PAX5: variants seen among roughly 807,000 people sequenced by gnomAD.
The protein encoded by PAX5 is paired box 5.
Under a neutral mutation model 43.7 loss-of-function variants are expected in PAX5, and 9 were observed. The observed-to-expected ratio is 0.21, with a 90% CI of 0.12 to 0.36. PAX5 has a LOEUF of 0.36. Ranked by LOEUF, PAX5 falls within the 10% of genes least tolerant of loss-of-function variation. PAX5 has a pLI of 1.00. For synonymous variants in PAX5, 228 were observed against 214.3 expected, an observed-to-expected ratio of 1.06 and a Z score of -0.56; for missense variants, 383 against 532.7, an observed-to-expected ratio of 0.72 and a Z score of 2.77.
At chr9:36,958,500 A>C (rs1833686950) in intron 6 of PAX5, among the ~76,000 whole-genome samples, 1 of 152,044 alleles carries the variant, frequency 6.6e-6, no homozygotes. Context: ...GGGGGAGCAG[A>C]AGGGAAAGGA....
At chr9:36,929,806 A>G (rs1176938330) in intron 6 of PAX5, among the ~76,000 whole-genome samples, 1 of 152,006 alleles carries the variant, frequency 6.6e-6, no homozygotes, top group Non-Finnish European at 1.5e-5. Context: ...GGCTCACTGC[A>G]ACCTCCACCT....
At chr9:36,870,793 G>A (rs1825414747) in intron 8 of PAX5, among the ~76,000 whole-genome samples, 1 of 152,208 alleles carries the variant, frequency 6.6e-6, no homozygotes, top group African/African-American at 2.4e-5. Flanking sequence ...TCTGGTGGAG[G>A]TAGAGACGCA....
intron 8 of PAX5, among the ~76,000 whole-genome samples, chr9:36,868,085 T>C (rs1337777692): frequency 6.7e-6 from 1 of 150,290 alleles, no homozygotes; most frequent in Non-Finnish European, 1.5e-5. Context: ...GAGGGAAAAG[T>C]GAAAAAAATA....
chr9:36,841,408 C>T (rs972590413), intron 9 of PAX5, among the ~76,000 whole-genome samples: 1 of 152,254 alleles, frequency 6.6e-6, no homozygotes, highest in African/African-American at 2.4e-5. Flanking sequence ...TCTTGGCCTG[C>T]ACCCTCACCC....
intron 5 of PAX5, among the ~76,000 whole-genome samples, chr9:36,993,339 A>G (rs1837091707): frequency 6.6e-6 from 1 of 152,188 alleles, no homozygotes; most frequent in African/African-American, 2.4e-5. Flanking sequence ...ATTTTAATTA[A>G]CCCTCATAAA....
In PAX5 at chr9:36,843,723, T is replaced by A. The variant is rs147344653; in HGVS notation, c.1100-3087A>T. On this transcript the variant is annotated intron_variant, in intron 9 of 9. Transcript: ENST00000358127. ...TAGGGCACAGGTGTGTTTCATGGGCTCTGCCAATTAGACTTTCTTGTATAT... is the reference window on the plus strand; with the variant it reads ...TAGGGCACAGGTGTGTTTCATGGGCACTGCCAATTAGACTTTCTTGTATAT... Among the ~76,000 whole-genome samples, 328 of 152,038 alleles carry A rather than the reference T, an allele frequency of 2.2e-3. 1 individual carries two copies. Among genetic ancestry groups the A allele is most frequent in the Non-Finnish European group, 4.1e-3 (281 of 67,822 alleles).
intron 6 of PAX5, among the ~76,000 whole-genome samples, chr9:36,963,870 G>A (rs994986451): frequency 1.3e-5 from 2 of 152,176 alleles, no homozygotes; most frequent in African/African-American, 4.8e-5. Flanking sequence ...TCACTTGCTG[G>A]GTGACCTCAG....
intron 6 of PAX5, among the ~76,000 whole-genome samples, chr9:36,939,799 GAA>G (rs1831883182): frequency 1.3e-5 from 2 of 152,180 alleles, no homozygotes; most frequent in Admixed American, 6.5e-5. Context: ...GGGAGAGAGA[GAA>G]AAAGCAAGAG....
intron 6 of PAX5, among the ~76,000 whole-genome samples, chr9:36,925,678 G>A (rs1830589376): frequency 6.6e-6 from 1 of 152,194 alleles, no homozygotes; most frequent in Non-Finnish European, 1.5e-5. Context: ...ACCTAAATGT[G>A]GAAGGCAAAG....
At chr9:36,948,708 C>T (rs1049706284) in intron 6 of PAX5, among the ~76,000 whole-genome samples, 1 of 152,140 alleles carries the variant, frequency 6.6e-6, no homozygotes, top group Admixed American at 6.5e-5. Flanking sequence ...CTCCCCAGTG[C>T]AAATGCCCCA....
intron 8 of PAX5, among the ~76,000 whole-genome samples, chr9:36,866,041 C>T (rs1369213252): frequency 6.6e-6 from 1 of 152,178 alleles, no homozygotes; most frequent in East Asian, 1.9e-4. Context: ...CAGGTTGGGG[C>T]TGATGTTATT....
chr9:36,864,800 C>T (rs564533612), intron 8 of PAX5, among the ~76,000 whole-genome samples: 3 of 152,364 alleles, frequency 2.0e-5, no homozygotes, highest in South Asian at 4.1e-4. Context: ...CCTCGGAGCC[C>T]CTCCTGGCTG....
intron 6 of PAX5, among the ~76,000 whole-genome samples, chr9:36,959,405 T>A (rs1833765696): frequency 6.6e-6 from 1 of 152,222 alleles, no homozygotes; most frequent in Admixed American, 6.5e-5. Context: ...TTTTAGCCTG[T>A]CTTCTTCCTT....
At chr9:36,962,979 G>A (rs1268202697) in intron 6 of PAX5, among the ~76,000 whole-genome samples, 1 of 152,228 alleles carries the variant, frequency 6.6e-6, no homozygotes, top group East Asian at 1.9e-4. Flanking sequence ...CAAGGAACCT[G>A]TACCCTTGAC....
chr9:36,856,122 A>T (rs1823643179), intron 8 of PAX5, among the ~76,000 whole-genome samples: 1 of 152,044 alleles, frequency 6.6e-6, no homozygotes, highest in African/African-American at 2.4e-5. Flanking sequence ...CTGCAGCCCC[A>T]CCCCCAGCAC....
At chr9:36,957,938 C>T (rs1225604324) in intron 6 of PAX5, among the ~76,000 whole-genome samples, 1 of 152,146 alleles carries the variant, frequency 6.6e-6, no homozygotes, top group Non-Finnish European at 1.5e-5. Flanking sequence ...ACTTTTCCAC[C>T]TAAGGAGGAC....
At chr9:36,877,315 A>G (rs1826008338) in intron 8 of PAX5, among the ~76,000 whole-genome samples, 1 of 152,238 alleles carries the variant, frequency 6.6e-6, no homozygotes, top group South Asian at 2.1e-4. Flanking sequence ...AGCTTGGGCG[A>G]CGGCCAGAGT....
At chr9:36,889,127 C>A (rs1827155305) in intron 7 of PAX5, among the ~76,000 whole-genome samples, 1 of 152,128 alleles carries the variant, frequency 6.6e-6, no homozygotes, top group Admixed American at 6.5e-5. Context: ...GATCCTTTAC[C>A]CTGAACCTGG....
chr9:36,979,151 C>T (rs563331903), intron 5 of PAX5, among the ~76,000 whole-genome samples: 45 of 152,306 alleles, frequency 3.0e-4, no homozygotes, highest in Admixed American at 3.3e-4. Context: ...TAGATGTACT[C>T]GGACTGGCTC....
Sources: gnomAD v4.1 joint callset for allele counts (sites outside exome capture counted in the v4.1 genomes callset) on GRCh38, gnomAD v4.1.1 for gene constraint, MANE v1.5 for transcripts, NCBI Gene and HGNC (gene_info 2026-07-23, HGNC 2026-07-21) for gene names.